Variants in RNLS observed in about 807,000 individuals in gnomAD.
RNLS encodes renalase.
Under a neutral mutation model 39.8 loss-of-function variants are expected in RNLS, and 39 were observed. The ratio of observed to expected loss-of-function variants is 0.98; its 90% confidence interval spans 0.76 to 1.28. The LOEUF (loss-of-function observed/expected upper bound fraction) is 1.28. Ranked by LOEUF, RNLS falls within the 50% of genes most tolerant of loss-of-function variation. The probability of loss-of-function intolerance (pLI) is 0.00; values close to 1 mark genes in which losing one functional copy is unlikely to be tolerated. For synonymous variants in RNLS, 147 were observed against 150.7 expected, an observed-to-expected ratio of 0.98 and a Z score of 0.18; for missense variants, 410 against 413.3, an observed-to-expected ratio of 0.99 and a Z score of 0.07.
chr10:88,356,335 G>T (rs1220424444), intron 5 of RNLS, among the ~76,000 whole-genome samples: 1 of 152,118 alleles, frequency 6.6e-6, no homozygotes, highest in Non-Finnish European at 1.5e-5. Flanking sequence ...GACTGGAGCT[G>T]TTCCTATTCA....
At chr10:88,412,312 T>G (rs905452072) in intron 4 of RNLS, among the ~76,000 whole-genome samples, 2 of 152,108 alleles carry the variant, frequency 1.3e-5, no homozygotes, top group Non-Finnish European at 2.9e-5. Context: ...CATAAAATCC[T>G]TAAAAACAAC....
rs546530385 is a variant in RNLS at position 88,445,696 on chromosome 10, A to G, written c.527-82971T>C. Among the ~76,000 whole-genome samples, 111 of 152,310 alleles carry G rather than the reference A, an allele frequency of 7.3e-4. 1 individual carries two copies. The highest frequency in any genetic ancestry group is 7.1e-3 in the South Asian group (34 of 4,820). ...CTGATAAAACAGACTGTAAACCAAC[A>G]AAGATCAAAAGAGACAAACAAGGCC... is the stretch of plus-strand genomic sequence containing the variant. On this transcript the variant is annotated intron_variant, in intron 4 of 6. Transcript: ENST00000331772.
intron 4 of RNLS, among the ~76,000 whole-genome samples, chr10:88,427,744 T>A (rs1854878348): frequency 6.6e-6 from 1 of 152,032 alleles, no homozygotes; most frequent in Admixed American, 6.6e-5. Context: ...AGGGAAAAGA[T>A]ACAAATGATG....
chr10:88,579,143 A>G (rs1850380615), intron 3 of RNLS, among the ~76,000 whole-genome samples: 1 of 152,218 alleles, frequency 6.6e-6, no homozygotes, highest in South Asian at 2.1e-4. Flanking sequence ...AAGTATGGAC[A>G]GCTCTGCAGC....
intron 6 of RNLS, among the ~76,000 whole-genome samples, chr10:88,289,530 C>T (rs911932282): frequency 8.5e-5 from 13 of 152,148 alleles, no homozygotes; most frequent in Admixed American, 6.6e-4. Context: ...AATGCCTTTT[C>T]AGCATGTTAT....
chr10:88,326,784 C>T (rs1349096384), intron 5 of RNLS, among the ~76,000 whole-genome samples: 1 of 152,180 alleles, frequency 6.6e-6, no homozygotes, highest in African/African-American at 2.4e-5. Context: ...AAGCTGCAGA[C>T]ACTCAATGCC....
intron 4 of RNLS, among the ~76,000 whole-genome samples, chr10:88,510,750 A>G (rs1589926620): frequency 6.6e-6 from 1 of 151,730 alleles, no homozygotes; most frequent in African/African-American, 2.4e-5. Context: ...AGGAGGCTGA[A>G]GCAGGAGAAT....
chr10:88,260,971 A>G, the RNLS span, among the ~76,000 whole-genome samples: 1 of 152,244 alleles, frequency 6.6e-6, no homozygotes, highest in African/African-American at 2.4e-5. Context: ...AGTTGCTGTG[A>G]GCAAAACCCA....
At chr10:88,545,465 A>G (rs905788000) in intron 4 of RNLS, 9 of 456,188 alleles carry the variant, frequency 2.0e-5, no homozygotes, top group African/African-American at 1.8e-4. Flanking sequence ...ACGTGGTGGC[A>G]GGCAAGACAG....
intron 4 of RNLS, among the ~76,000 whole-genome samples, chr10:88,363,962 T>C (rs748832342): frequency 6.6e-6 from 1 of 152,074 alleles, no homozygotes; most frequent in Non-Finnish European, 1.5e-5. Context: ...CTACTATAGA[T>C]AGAAAAAATA....
At chr10:88,497,360 C>T (rs561961860) in intron 4 of RNLS, among the ~76,000 whole-genome samples, 1 of 151,942 alleles carries the variant, frequency 6.6e-6, no homozygotes, top group Non-Finnish European at 1.5e-5. Flanking sequence ...CTTCAGATTA[C>T]AGTAGCCCTC....
chr10:88,442,333 A>G (rs1841761317), intron 4 of RNLS, among the ~76,000 whole-genome samples: 1 of 152,208 alleles, frequency 6.6e-6, no homozygotes. Flanking sequence ...TATATGAAAT[A>G]CCAAATTAAA....
intron 6 of RNLS, among the ~76,000 whole-genome samples, chr10:88,305,622 G>T (rs147856572): frequency 6.6e-6 from 1 of 152,130 alleles, no homozygotes; most frequent in Admixed American, 6.5e-5. Context: ...TCAACAAGAA[G>T]ATCTAACTAT....
intron 5 of RNLS, among the ~76,000 whole-genome samples, chr10:88,360,942 C>T (rs559565979): frequency 6.6e-6 from 1 of 152,300 alleles, no homozygotes; most frequent in East Asian, 1.9e-4. Flanking sequence ...ATGTATTAGT[C>T]AACTCAGGCT....
At chr10:88,309,285 A>G (rs1589515500) in intron 6 of RNLS, 5 of 707,734 alleles carry the variant, frequency 7.1e-6, no homozygotes, top group East Asian at 6.6e-5. Flanking sequence ...AAGTTAAAAA[A>G]TAAGGAAAAG....
intron 4 of RNLS, among the ~76,000 whole-genome samples, chr10:88,374,991 C>T: frequency 6.6e-6 from 1 of 152,116 alleles, no homozygotes; most frequent in East Asian, 1.9e-4. Flanking sequence ...CAGAAGTTTT[C>T]AGTTAACAGC....
chr10:88,377,833 C>T (rs944133574), intron 4 of RNLS, among the ~76,000 whole-genome samples: 6 of 152,122 alleles, frequency 3.9e-5, no homozygotes, highest in Non-Finnish European at 2.9e-5. Context: ...ATAAATTAAT[C>T]TTAGCTTCCT....
chr10:88,577,884 T>C (rs895291673), intron 3 of RNLS, among the ~76,000 whole-genome samples: 1 of 152,208 alleles, frequency 6.6e-6, no homozygotes, highest in Non-Finnish European at 1.5e-5. Flanking sequence ...CTTTAAAGGT[T>C]TGAACCTATT....
chr10:88,344,707 A>G (rs1368231452), intron 5 of RNLS, among the ~76,000 whole-genome samples: 1 of 152,166 alleles, frequency 6.6e-6, no homozygotes, highest in Non-Finnish European at 1.5e-5. Flanking sequence ...ATATATAACA[A>G]CAGCAAGAAT....
Sources: gnomAD v4.1 joint callset for allele counts (sites outside exome capture counted in the v4.1 genomes callset) on GRCh38, gnomAD v4.1.1 for gene constraint, MANE v1.5 for transcripts, NCBI Gene and HGNC (gene_info 2026-07-23, HGNC 2026-07-21) for gene names.